OTOF: variants seen among roughly 807,000 people sequenced by gnomAD.
The protein encoded by OTOF is fer-1-like family member 2.
In OTOF, 218 loss-of-function variants were observed where a neutral mutation model predicts 236.8. The ratio of observed to expected loss-of-function variants is 0.92; its 90% CI spans 0.82 to 1.03. The LOEUF (loss-of-function observed/expected upper bound fraction) is 1.03. Ranked by LOEUF, OTOF falls within the 50% of genes least tolerant of loss-of-function variation. The pLI, the probability that OTOF is intolerant of heterozygous loss-of-function variation, is 0.00. For missense variants in OTOF, 2,590 were observed against 2,694.4 expected (o/e 0.96, Z 0.86); for synonymous variants, 1,041 against 1,072.5 (o/e 0.97, Z 0.57).
At chr2:26,479,917 G>A (rs951063443) in intron 16 of OTOF, among the ~76,000 whole-genome samples, 6 of 152,238 alleles carry the variant, frequency 3.9e-5, no homozygotes, top group Admixed American at 2.0e-4. Context: ...CTCCAGCCCC[G>A]GGAAGGGCTT....
Position 26,483,483 on chromosome 2 carries a change from T to C in OTOF, c.1371A>G (p.Gln457=), listed in dbSNP as rs763865079. 133 of 1,613,794 alleles carry C rather than the reference T, an allele frequency of 8.2e-5. No homozygotes were observed. Among genetic ancestry groups the C allele is most frequent in the Non-Finnish European group, 1.1e-4 (128 of 1,180,030 alleles). The change falls in exon 13 of 47, where the codon CAA becomes CAG. Residue 457 remains glutamine (Q), a synonymous_variant. Coordinates refer to ENST00000272371, the MANE Select transcript of OTOF (RefSeq NM_194248.3). ...GTACCTTCTGGCCAGCAAAGAAGACTTGCACGTAGGGGTCCACGAGGTCCT... is the reference window on the plus strand; with the variant it reads ...GTACCTTCTGGCCAGCAAAGAAGACCTGCACGTAGGGGTCCACGAGGTCCT... ...ENKDLVDPYV[Q]VFFAGQKGKT...
At chr2:26,498,409 G>C (rs1666040710) in intron 8 of OTOF, among the ~76,000 whole-genome samples, 1 of 152,194 alleles carries the variant, frequency 6.6e-6, no homozygotes, top group Non-Finnish European at 1.5e-5. Flanking sequence ...TGCCATTCCT[G>C]CTGCCTCCCA....
intron 5 of OTOF, among the ~76,000 whole-genome samples, chr2:26,504,163 TTG>T (rs1168984117): frequency 6.6e-6 from 1 of 152,188 alleles, no homozygotes; most frequent in African/African-American, 2.4e-5. Context: ...CCTCTGGGTC[TTG>T]GACTTTTCAG....
chr2:26,466,180 C>T (rs1027499750), intron 36 of OTOF, 104 bp from the exon 37 acceptor site: 1 of 1,435,528 alleles, frequency 7.0e-7, no homozygotes, highest in African/African-American at 1.4e-5. Context: ...AGGGCAGGGG[C>T]AGGAGCACTG....
intron 1 of OTOF, among the ~76,000 whole-genome samples, chr2:26,540,506 C>T (rs1400481512): frequency 6.6e-6 from 1 of 152,224 alleles, no homozygotes; most frequent in East Asian, 1.9e-4. Flanking sequence ...CTCAGCAAAG[C>T]AGGCTCGTTC....
At position 26,477,126 on chromosome 2, in the gene OTOF, A is replaced by G; in HGVS notation, c.2523+46T>C. 6.3e-7 allele frequency: 1 copy of G among 1,588,064 alleles called. No homozygotes were observed. ...GCCCCCTGATCCTGAGGGGCCCCAG[A>G]GAGCCAGCCCTGGATGAGGCAAAGC... On this transcript the variant is annotated intron_variant, in intron 21 of 46. Transcript: ENST00000272371. The surrounding 1 kb of genome is among the most constrained non-coding windows in gnomAD (Gnocchi z 4.7).
In OTOF at chr2:26,558,714, C is replaced by T. The variant is rs1338285335; in HGVS notation, c.-143G>A. ...CCCCTCCGATGCTGCCCACAGAGAC[C>T]AAGGCAACCAAGCCGAGCTAAGCTG... On this transcript the variant is annotated 5_prime_UTR_variant, in exon 1 of 47. Transcript: ENST00000272371. 1 of 684,784 alleles carries T rather than the reference C, an allele frequency of 1.5e-6. No individual in the cohort carries two copies. Among genetic ancestry groups the T allele is most frequent in the Admixed American group, 2.3e-5 (1 of 42,968 alleles). 42.4% of individuals were successfully genotyped at this position (684,784 alleles called of 1,614,324 possible).
intron 1 of OTOF, among the ~76,000 whole-genome samples, chr2:26,542,972 A>G (rs929581241): frequency 6.6e-6 from 1 of 152,152 alleles, no homozygotes; most frequent in African/African-American, 2.4e-5. Context: ...TCTGCTGGTG[A>G]CTCAGACCTG....
intron 18 of OTOF, among the ~76,000 whole-genome samples, chr2:26,478,202 T>C (rs1665412488): frequency 6.6e-6 from 1 of 152,158 alleles, no homozygotes; most frequent in Non-Finnish European, 1.5e-5. Flanking sequence ...CTGGGAGGGC[T>C]GTGAGACCCA....
chr2:26,538,390 A>T (rs947846157), intron 1 of OTOF, among the ~76,000 whole-genome samples: 1 of 152,242 alleles, frequency 6.6e-6, no homozygotes. Flanking sequence ...AGTCTCTGGC[A>T]GTTCCCTCCC....
intron 1 of OTOF, among the ~76,000 whole-genome samples, chr2:26,552,656 G>C (rs1667490225): frequency 6.6e-6 from 1 of 152,186 alleles, no homozygotes. Flanking sequence ...GCAATGGCTT[G>C]CTCTGGGGGA....
Position 26,472,640 on chromosome 2 carries a change from A to G in OTOF, c.3743T>C (p.Leu1248Pro), listed in dbSNP as rs1465185759. The G allele has an allele frequency of 6.2e-7, 1 of 1,613,222 alleles. No homozygotes were observed. Among genetic ancestry groups the G allele is most frequent in the Admixed American group, 1.7e-5 (1 of 60,002 alleles). The stretch of plus-strand genomic sequence containing the variant: ...ATTGCACAGCACACGGCAGCGCCGG[A>G]GAAGCCTGACTGGACAGATGGATAG... ...APSWNTTVRLLRRCRVLCNGG... is the reference protein window; with the variant it reads ...APSWNTTVRLPRRCRVLCNGG... The change falls in exon 30 of 47, where the codon CTC (leucine) becomes CCC (proline). Residue 1248 changes from leucine to proline, a missense_variant. Physicochemically the swap from Leu to Pro is moderately conservative, Grantham distance 98. Around this residue, in one of 2 missense-constraint regions of OTOF, gnomAD observed 1,211 missense variants for 1,352.8 expected, o/e 0.90. Transcript: ENST00000272371.
chr2:26,523,057 A>T (rs981035739), intron 3 of OTOF, among the ~76,000 whole-genome samples: 1 of 152,182 alleles, frequency 6.6e-6, no homozygotes, highest in Non-Finnish European at 1.5e-5. Flanking sequence ...TCAATAATTC[A>T]TCACTTTCCC....
chr2:26,471,240 C>T (rs1664962450), intron 30 of OTOF, 90 bp from the exon 31 acceptor site: 18 of 1,470,604 alleles, frequency 1.2e-5, no homozygotes, highest in East Asian at 1.1e-4. Context: ...GTGGAGGAGC[C>T]GAGATGGAAA....
intron 8 of OTOF, among the ~76,000 whole-genome samples, chr2:26,497,289 C>G (rs982909530): frequency 6.6e-6 from 1 of 151,902 alleles, no homozygotes; most frequent in Admixed American, 6.6e-5. Flanking sequence ...TTAGTAGAGA[C>G]GAGGTTTCAC....
In OTOF at chr2:26,464,121, G is replaced by A. The variant is rs767008483; in HGVS notation, c.4961-15C>T. 22 of 1,612,876 alleles carry A rather than the reference G, an allele frequency of 1.4e-5. No individual in the cohort carries two copies. The East Asian group carries it at 1.8e-4, about 13-fold the overall frequency. The stretch of plus-strand genomic sequence containing the variant: ...CTTCCTCTGACCTGTGGGTGCCGGC[G>A]GCTCAGCTGCACACATGGCTCAGCA... On this transcript the variant is annotated splice_polypyrimidine_tract_variant and intron_variant, in intron 39 of 46. Coordinates refer to ENST00000272371, the MANE Select transcript of OTOF (RefSeq NM_194248.3).
intron 2 of OTOF, among the ~76,000 whole-genome samples, chr2:26,532,844 A>G (rs1040997344): frequency 6.6e-6 from 1 of 152,184 alleles, no homozygotes; most frequent in Non-Finnish European, 1.5e-5. Flanking sequence ...TTGGAGAATG[A>G]TCTGGATTAT....
chr2:26,466,458 TC>T, intron 36 of OTOF: 1 of 533,174 alleles, frequency 1.9e-6, no homozygotes, highest in Non-Finnish European at 3.4e-6. Flanking sequence ...TGCCTCAGCC[TC>T]CTCAGTAGCT....
In OTOF at chr2:26,507,083, A is replaced by T. The variant is rs117483916; in HGVS notation, c.510-3238T>A. Among the ~76,000 whole-genome samples, 28 of 152,346 alleles carry T rather than the reference A, an allele frequency of 1.8e-4. No homozygotes were observed. The East Asian group carries it at 5.2e-3, about 28-fold the overall frequency. On this transcript the variant is annotated intron_variant, in intron 5 of 46. Transcript: ENST00000272371. Reference sequence around the variant, plus strand: ...AGAAATCTCTCCCTTCCAACCCTGCATAGTTTTAGCTGTCTGAAGTGGTAG... The same window carrying T: ...AGAAATCTCTCCCTTCCAACCCTGCTTAGTTTTAGCTGTCTGAAGTGGTAG...
Sources: allele counts gnomAD v4.1 joint callset (sites outside exome capture counted in the v4.1 genomes callset), GRCh38; gene constraint gnomAD v4.1.1; regional missense constraint gnomAD v4.1.1; non-coding constraint Gnocchi (gnomAD v3.1); transcripts MANE v1.5; gene names NCBI Gene and HGNC (gene_info 2026-07-23, HGNC 2026-07-21).